PTPRN2: variants seen among roughly 807,000 people sequenced by gnomAD.
The protein encoded by PTPRN2 is receptor-type tyrosine-protein phosphatase N2.
In PTPRN2, 74 loss-of-function variants were observed where a neutral mutation model predicts 118.8. The observed-to-expected ratio is 0.62, with a 90% CI of 0.52 to 0.76. The LOEUF (loss-of-function observed/expected upper bound fraction) is 0.76. Among genes scored for constraint, PTPRN2 ranks in the 30% least tolerant of loss-of-function variants. The probability of loss-of-function intolerance (pLI) is 0.00; values close to 1 mark genes in which losing one functional copy is unlikely to be tolerated. For missense variants in PTPRN2, 1,481 were observed against 1,394.4 expected, an observed-to-expected ratio of 1.06 and a Z score of -0.99; for synonymous variants, 641 against 608.0, an observed-to-expected ratio of 1.05 and a Z score of -0.80.
At chr7:158,155,506 C>A (rs1256663915) in intron 6 of PTPRN2, among the ~76,000 whole-genome samples, 2 of 150,176 alleles carry the variant, frequency 1.3e-5, no homozygotes, top group Admixed American at 1.3e-4. Context: ...CCATCATCAC[C>A]AATGCCATCA....
At chr7:157,960,800 A>G (rs1469242983) in intron 11 of PTPRN2, among the ~76,000 whole-genome samples, 1 of 152,224 alleles carries the variant, frequency 6.6e-6, no homozygotes, top group Non-Finnish European at 1.5e-5. Flanking sequence ...TGAGGTCAGA[A>G]GTTCGAGACC....
intron 14 of PTPRN2, among the ~76,000 whole-genome samples, chr7:157,628,095 G>C (rs2150661811): frequency 6.6e-6 from 1 of 152,318 alleles, no homozygotes; most frequent in East Asian, 1.9e-4. Flanking sequence ...TCACAAGACT[G>C]GGTGCTGCTA....
At chr7:157,734,862 G>T (rs1479715644) in intron 12 of PTPRN2, among the ~76,000 whole-genome samples, 1 of 152,252 alleles carries the variant, frequency 6.6e-6, no homozygotes, top group South Asian at 2.1e-4. Context: ...CCAGGACCTG[G>T]CGCTCGGCCA....
chr7:158,288,219 T>C (rs1799885850), intron 3 of PTPRN2, among the ~76,000 whole-genome samples: 1 of 152,106 alleles, frequency 6.6e-6, no homozygotes, highest in Non-Finnish European at 1.5e-5. Flanking sequence ...AGCATATAGT[T>C]GGGTCCTATT....
intron 12 of PTPRN2, among the ~76,000 whole-genome samples, chr7:157,823,545 G>T (rs1806982063): frequency 6.6e-6 from 1 of 152,192 alleles, no homozygotes; most frequent in South Asian, 2.1e-4. Context: ...AGAATGGAGA[G>T]ACTAGAATTG....
chr7:158,035,938 CG>C (rs1223806220), intron 11 of PTPRN2, among the ~76,000 whole-genome samples: 3 of 152,076 alleles, frequency 2.0e-5, no homozygotes, highest in African/African-American at 7.2e-5. Flanking sequence ...TAAAAGAAAA[CG>C]CAAACTAGAG....
chr7:158,464,474 G>A (rs1175990558), intron 2 of PTPRN2, among the ~76,000 whole-genome samples: 31 of 121,874 alleles, frequency 2.5e-4, no homozygotes, highest in African/African-American at 6.6e-4. Context: ...CCTTACCATC[G>A]CCATCATTGC....
intron 11 of PTPRN2, among the ~76,000 whole-genome samples, chr7:158,071,000 C>T (rs1438216366): frequency 1.1e-4 from 9 of 81,002 alleles, no homozygotes; most frequent in Non-Finnish European, 1.8e-4. Context: ...TGGAGGTGCT[C>T]ATGGTGGTGG....
At chr7:158,534,986 C>T (rs1026943100) in intron 1 of PTPRN2, among the ~76,000 whole-genome samples, 3 of 152,148 alleles carry the variant, frequency 2.0e-5, no homozygotes, top group Non-Finnish European at 4.4e-5. Flanking sequence ...CTCAGTATGC[C>T]CTCGCAGAAA....
chr7:158,336,830 C>T (rs1441843839), intron 2 of PTPRN2, among the ~76,000 whole-genome samples: 2 of 102,140 alleles, frequency 2.0e-5, no homozygotes, highest in East Asian at 3.2e-4. Flanking sequence ...GTGACACCTG[C>T]AGACGTCACT....
intron 21 of PTPRN2, among the ~76,000 whole-genome samples, chr7:157,563,821 C>T (rs221286): frequency 0.91 from 131,471 of 143,716 alleles, 60,300 homozygotes; most frequent in Middle Eastern, 0.98. Context: ...CGTGCTCCCA[C>T]GTCACCACAT....
intron 12 of PTPRN2, among the ~76,000 whole-genome samples, chr7:157,765,714 T>C: frequency 7.1e-6 from 1 of 141,458 alleles, no homozygotes; most frequent in East Asian, 2.4e-4. Flanking sequence ...CCATCATCCA[T>C]TCTTCATCCA....
chr7:158,217,858 G>A (rs1294378141), intron 3 of PTPRN2, among the ~76,000 whole-genome samples: 4 of 152,162 alleles, frequency 2.6e-5, no homozygotes, highest in Non-Finnish European at 4.4e-5. Flanking sequence ...CTTAAAGGCA[G>A]TTCTTTCAAA....
chr7:157,654,802 G>A (rs549454309), intron 14 of PTPRN2, among the ~76,000 whole-genome samples: 10 of 152,308 alleles, frequency 6.6e-5, no homozygotes, highest in African/African-American at 2.2e-4. Flanking sequence ...TGTTACTCAA[G>A]CACCTTGAAA....
chr7:157,910,799 G>A (rs1183375761), intron 11 of PTPRN2, among the ~76,000 whole-genome samples: 1 of 152,234 alleles, frequency 6.6e-6, no homozygotes, highest in Non-Finnish European at 1.5e-5. Flanking sequence ...TCCACTGCGC[G>A]GCAACAACAC....
intron 3 of PTPRN2, among the ~76,000 whole-genome samples, chr7:158,216,247 A>G: frequency 6.6e-6 from 1 of 152,174 alleles, no homozygotes; most frequent in Non-Finnish European, 1.5e-5. Context: ...TCAAAAACAT[A>G]GATAAAGTGG....
At chr7:158,319,024 A>AT (rs1206176358) in intron 2 of PTPRN2, among the ~76,000 whole-genome samples, 1 of 152,252 alleles carries the variant, frequency 6.6e-6, no homozygotes, top group African/African-American at 2.4e-5. Flanking sequence ...TTTCTCAAGC[A>AT]TAACAGCCTC....
chr7:158,527,982 G>A (rs769716663), intron 1 of PTPRN2, among the ~76,000 whole-genome samples: 16 of 152,154 alleles, frequency 1.1e-4, no homozygotes, highest in Non-Finnish European at 1.9e-4. Context: ...CTCTGATCCC[G>A]CCCGACACAC....
intron 2 of PTPRN2, among the ~76,000 whole-genome samples, chr7:158,338,614 G>T (rs1190761832): frequency 4.3e-5 from 2 of 46,782 alleles, no homozygotes; most frequent in African/African-American, 1.3e-4. Flanking sequence ...GGCCCACAGA[G>T]GACACTCACA....
Sources: allele counts gnomAD v4.1 joint callset (sites outside exome capture counted in the v4.1 genomes callset), GRCh38; gene constraint gnomAD v4.1.1; transcripts MANE v1.5; gene names NCBI Gene and HGNC (gene_info 2026-07-23, HGNC 2026-07-21).